DAB1: variants seen among roughly 807,000 people sequenced by gnomAD.
DAB1 encodes the protein disabled homolog 1.
DAB1 carries 15 observed loss-of-function variants against 64.6 expected under a neutral mutation model. The ratio of observed to expected loss-of-function variants is 0.23; its 90% CI spans 0.16 to 0.36. The LOEUF (loss-of-function observed/expected upper bound fraction) is 0.36. Ranked by LOEUF, DAB1 falls within the 10% of genes least tolerant of loss-of-function variation. DAB1 has a pLI of 1.00. For missense variants in DAB1, 596 were observed against 706.7 expected (o/e 0.84, Z 1.78); for synonymous variants, 235 against 251.9 (o/e 0.93, Z 0.64).
intron 6 of DAB1, among the ~76,000 whole-genome samples, chr1:57,713,862 G>C (rs752366176): frequency 3.9e-5 from 6 of 152,080 alleles, no homozygotes; most frequent in Non-Finnish European, 8.8e-5. Context: ...AAGTGTCAGA[G>C]ACATAAAAAC....
chr1:58,338,641 G>GT (rs753651369), intron 4 of DAB1, among the ~76,000 whole-genome samples: 14 of 152,246 alleles, frequency 9.2e-5, no homozygotes, highest in Admixed American at 5.9e-4. Context: ...AGAGTTCATG[G>GT]TTTTGTAGGA....
At chr1:58,053,071 G>C (rs1647792428) in intron 5 of DAB1, among the ~76,000 whole-genome samples, 1 of 152,142 alleles carries the variant, frequency 6.6e-6, no homozygotes, top group African/African-American at 2.4e-5. Flanking sequence ...AATAGAGTAA[G>C]AACTTACTCA....
chr1:57,343,277 T>A (rs1677786906), intron 1 of DAB1, among the ~76,000 whole-genome samples: 1 of 152,140 alleles, frequency 6.6e-6, no homozygotes, highest in African/African-American at 2.4e-5. Context: ...GATTGGTGTG[T>A]TTACAAACCT....
chr1:57,640,332 G>T (rs1646113414), intron 7 of DAB1, among the ~76,000 whole-genome samples: 1 of 152,118 alleles, frequency 6.6e-6, no homozygotes, highest in South Asian at 2.1e-4. Context: ...AATGTTTTAT[G>T]TCTAAATGTA....
At chr1:57,961,972 CAA>C (rs35916541) in intron 5 of DAB1, among the ~76,000 whole-genome samples, 3 of 141,070 alleles carry the variant, frequency 2.1e-5, no homozygotes, top group African/African-American at 2.7e-5. Context: ...AACTCTGTCT[CAA>C]AAAAAAAAAA....
chr1:57,703,375 G>A (rs1646930120), intron 6 of DAB1, among the ~76,000 whole-genome samples: 1 of 152,034 alleles, frequency 6.6e-6, no homozygotes, highest in African/African-American at 2.4e-5. Context: ...GTGGTCAAAG[G>A]ACATGAATGG....
chr1:57,022,608 T>A (rs1209167313), intron 11 of DAB1, among the ~76,000 whole-genome samples: 1 of 152,260 alleles, frequency 6.6e-6, no homozygotes, highest in African/African-American at 2.4e-5. Flanking sequence ...AGTTTATATT[T>A]GGTGGCAAGA....
chr1:58,406,373 C>T (rs548196621), intron 3 of DAB1, among the ~76,000 whole-genome samples: 1 of 152,362 alleles, frequency 6.6e-6, no homozygotes, highest in African/African-American at 2.4e-5. Flanking sequence ...TGGCACAGCC[C>T]TGTCGCATCT....
At chr1:57,849,505 G>A (rs1653427663) in intron 1 of DAB1, among the ~76,000 whole-genome samples, 1 of 152,180 alleles carries the variant, frequency 6.6e-6, no homozygotes, top group African/African-American at 2.4e-5. Context: ...GATCCAATAG[G>A]ATCTGGCAGT....
chr1:57,636,368 C>T (rs555022705), intron 7 of DAB1, among the ~76,000 whole-genome samples: 1 of 152,244 alleles, frequency 6.6e-6, no homozygotes, highest in African/African-American at 2.4e-5. Flanking sequence ...TTTGTTATGG[C>T]AGCCCAAGCA....
intron 7 of DAB1, among the ~76,000 whole-genome samples, chr1:57,606,465 A>G (rs1270520723): frequency 8.4e-6 from 1 of 119,024 alleles, no homozygotes; most frequent in Non-Finnish European, 1.7e-5. Flanking sequence ...GAAATATATA[A>G]TACATATGAA....
At chr1:58,374,794 G>C (rs1412040626) in intron 3 of DAB1, among the ~76,000 whole-genome samples, 2 of 138,198 alleles carry the variant, frequency 1.4e-5, no homozygotes, top group African/African-American at 5.6e-5. Flanking sequence ...TCACGATCTT[G>C]ATTCTTCCTA....
At chr1:58,154,406 C>T (rs942824710) in intron 4 of DAB1, among the ~76,000 whole-genome samples, 1 of 152,092 alleles carries the variant, frequency 6.6e-6, no homozygotes, top group Non-Finnish European at 1.5e-5. Flanking sequence ...AATGCACCAC[C>T]AGATCACCAG....
At chr1:58,297,715 A>G (rs887095890) in intron 4 of DAB1, among the ~76,000 whole-genome samples, 1 of 152,222 alleles carries the variant, frequency 6.6e-6, no homozygotes, top group Non-Finnish European at 1.5e-5. Context: ...AAGTAAATCT[A>G]ATTGGTTAGA....
At chr1:57,632,111 A>G (rs529618579) in intron 7 of DAB1, among the ~76,000 whole-genome samples, 6 of 152,366 alleles carry the variant, frequency 3.9e-5, no homozygotes, top group African/African-American at 1.4e-4. Flanking sequence ...GTATACCTAA[A>G]TTGCAGAACT....
At chr1:57,711,246 G>A (rs1391127302) in intron 6 of DAB1, among the ~76,000 whole-genome samples, 2 of 152,292 alleles carry the variant, frequency 1.3e-5, no homozygotes, top group South Asian at 2.1e-4. Flanking sequence ...AAGTTAGCTT[G>A]GCCTAAGCCT....
At chr1:57,797,697 G>C (rs1212159569) in intron 6 of DAB1, among the ~76,000 whole-genome samples, 1 of 152,180 alleles carries the variant, frequency 6.6e-6, no homozygotes, top group Non-Finnish European at 1.5e-5. Context: ...AGACAGAAAG[G>C]AGTGCTTTGT....
intron 3 of DAB1, among the ~76,000 whole-genome samples, chr1:57,136,861 T>G (rs1395615730): frequency 1.3e-5 from 2 of 152,134 alleles, no homozygotes; most frequent in African/African-American, 4.8e-5. Flanking sequence ...AGAGAAATAT[T>G]TGAATGTTCA....
chr1:57,395,671 A>G lies in DAB1; in HGVS notation c.-137+28259T>C, dbSNP rs1682744201. On this transcript the variant is annotated intron_variant, in intron 1 of 14. Coordinates refer to ENST00000371236, the MANE Select transcript of DAB1 (RefSeq NM_001365792.1). Reference sequence around the variant, plus strand: ...GCTACTGAGCATCTGAAATGTGGCTAGTGTGACTAAGGAGCTGGACTTTTT... The same window carrying G: ...GCTACTGAGCATCTGAAATGTGGCTGGTGTGACTAAGGAGCTGGACTTTTT... Among the ~76,000 whole-genome samples the G allele has an allele frequency of 6.6e-5, 10 of 152,334 alleles. No individual in the cohort carries two copies. The South Asian group carries it at 2.1e-3, about 32-fold the overall frequency.
Sources: allele counts gnomAD v4.1 joint callset (sites outside exome capture counted in the v4.1 genomes callset), GRCh38; gene constraint gnomAD v4.1.1; transcripts MANE v1.5; gene names NCBI Gene and HGNC (gene_info 2026-07-23, HGNC 2026-07-21).